SLC9C2: variants seen among roughly 807,000 people sequenced by gnomAD.
SLC9C2 encodes solute carrier family 9 member C2 (putative).
In SLC9C2, 75 loss-of-function variants were observed where a neutral mutation model predicts 140.2. The ratio of observed to expected loss-of-function variants is 0.53; its 90% CI spans 0.44 to 0.65. SLC9C2 has a LOEUF of 0.65. Ranked by LOEUF, SLC9C2 falls within the 30% of genes least tolerant of loss-of-function variation. The pLI is 0.00. For missense variants in SLC9C2, 1,074 were observed against 1,331.8 expected (o/e 0.81, Z 3.01); for synonymous variants, 375 against 420.9 (o/e 0.89, Z 1.34).
intron 9 of SLC9C2, among the ~76,000 whole-genome samples, chr1:173,569,705 T>C (rs1664720492): frequency 1.3e-5 from 2 of 152,116 alleles, no homozygotes; most frequent in African/African-American, 2.4e-5. Flanking sequence ...ACTAATTCTT[T>C]CTTCTCAAGC....
intron 3 of SLC9C2, among the ~76,000 whole-genome samples, chr1:173,599,361 G>GTTTTT (rs1558103752): frequency 7.9e-5 from 4 of 50,380 alleles, no homozygotes; most frequent in Non-Finnish European, 1.1e-4. Context: ...CATTTTCCTT[G>GTTTTT]ATTTTTTTTT....
At chr1:173,561,740 T>C (rs1271613194) in intron 9 of SLC9C2, among the ~76,000 whole-genome samples, 6 of 152,062 alleles carry the variant, frequency 3.9e-5, no homozygotes, top group African/African-American at 1.4e-4. Context: ...GATAAATTGA[T>C]GATCACTGGT....
At chr1:173,578,497 T>A (rs1195507948) in intron 7 of SLC9C2, among the ~76,000 whole-genome samples, 1 of 152,182 alleles carries the variant, frequency 6.6e-6, no homozygotes, top group East Asian at 1.9e-4. Context: ...CTGCCTGAGG[T>A]TGTTTTTTAA....
At chr1:173,557,652 A>G in intron 9 of SLC9C2, 144 bp from the exon 10 acceptor site, 1 of 708,676 alleles carries the variant, frequency 1.4e-6, no homozygotes, top group South Asian at 2.0e-5. Context: ...AGTCCTTCCA[A>G]TTTTCTGAGA....
In SLC9C2 at chr1:173,524,085, T is replaced by C. The variant is rs763244221; in HGVS notation, c.2524A>G (p.Lys842Glu). ...EVIEINKVLL[K>E]KLKALNNFPK... ...AAGTTATTTAGTGCTTTTAATTTTT[T>C]AAGAAGTACCTAAAAACAAATAATC... The change falls in exon 21 of 28, where the codon AAA becomes GAA. Residue 842 changes from lysine to glutamate, a missense_variant. Physicochemically the swap from Lys to Glu is moderately conservative, Grantham distance 56. Coordinates refer to ENST00000367714, the MANE Select transcript of SLC9C2 (RefSeq NM_178527.4). 1.2e-6 allele frequency: 2 copies of C among 1,609,766 alleles called. No homozygotes were observed. Among genetic ancestry groups the C allele is most frequent in the Admixed American group, 3.4e-5 (2 of 59,098 alleles).
intron 8 of SLC9C2, 96 bp from the exon 9 acceptor site, chr1:173,573,421 T>A: frequency 1.1e-6 from 1 of 950,914 alleles, no homozygotes. Flanking sequence ...TCTACCATGC[T>A]GTCTTAGCAG....
intron 22 of SLC9C2, among the ~76,000 whole-genome samples, chr1:173,520,651 G>A (rs1660740951): frequency 1.3e-5 from 2 of 152,162 alleles, no homozygotes; most frequent in South Asian, 4.1e-4. Context: ...TAGTAAATAA[G>A]TGTTATATTG....
intron 17 of SLC9C2, among the ~76,000 whole-genome samples, chr1:173,533,019 G>C (rs1661696305): frequency 6.6e-6 from 1 of 152,106 alleles, no homozygotes; most frequent in South Asian, 2.1e-4. Flanking sequence ...AGGAGGATGA[G>C]GTAGAAATTG....
intron 25 of SLC9C2, among the ~76,000 whole-genome samples, chr1:173,505,615 A>C (rs12026677): frequency 0.2 from 29,811 of 152,038 alleles, 4,188 homozygotes; most frequent in East Asian, 0.64. Context: ...GCATCCAGTA[A>C]GCTACTTTTA....
chr1:173,582,096 T>C (rs1270496658), intron 6 of SLC9C2, 88 bp from the exon 7 acceptor site: 1 of 1,076,532 alleles, frequency 9.3e-7, no homozygotes, highest in East Asian at 2.8e-5. Flanking sequence ...CTTTGCACTT[T>C]GGTTTGCTTG....
At chr1:173,565,504 A>G (rs962020465) in intron 9 of SLC9C2, among the ~76,000 whole-genome samples, 1 of 152,192 alleles carries the variant, frequency 6.6e-6, no homozygotes, top group Admixed American at 6.5e-5. Flanking sequence ...CTTTGTCAAA[A>G]AAGAGTTCAC....
intron 15 of SLC9C2, among the ~76,000 whole-genome samples, chr1:173,535,388 T>C (rs959441822): frequency 6.6e-6 from 1 of 152,222 alleles, no homozygotes. Context: ...TTTTGTGATA[T>C]TTTGGAAAAT....
intron 9 of SLC9C2, among the ~76,000 whole-genome samples, chr1:173,570,473 A>C (rs1248265006): frequency 6.6e-6 from 1 of 152,072 alleles, no homozygotes; most frequent in Non-Finnish European, 1.5e-5. Context: ...AGAAGGAAGA[A>C]GTCACTTTCA....
At chr1:173,601,026 A>G (rs1025732017) in intron 2 of SLC9C2, among the ~76,000 whole-genome samples, 2 of 152,192 alleles carry the variant, frequency 1.3e-5, no homozygotes, top group East Asian at 3.8e-4. Flanking sequence ...CATGAATATC[A>G]TTCTCTATAC....
Position 173,515,435 on chromosome 1 carries a change from T to G in SLC9C2, c.2907+2102A>C, listed in dbSNP as rs183677931. 4.0e-3 allele frequency among the ~76,000 whole-genome samples: 609 copies of G among 152,366 alleles called. 2 individuals are homozygous for G. The highest frequency in any genetic ancestry group is 7.3e-3 in the Admixed American group (111 of 15,302). ...GTCTTCAGACTCTGATATCCTTTCT[T>G]CCACTTGATAGATTCAGCTATTGAT... On this transcript the variant is annotated intron_variant, in intron 23 of 27. Coordinates refer to ENST00000367714, the MANE Select transcript of SLC9C2 (RefSeq NM_178527.4).
chr1:173,585,997 C>T (rs1446764570), intron 5 of SLC9C2, among the ~76,000 whole-genome samples: 1 of 151,842 alleles, frequency 6.6e-6, no homozygotes, highest in African/African-American at 2.4e-5. Flanking sequence ...AAAAAGAAGA[C>T]TTTCTACTGT....
intron 16 of SLC9C2, 145 bp from the exon 17 acceptor site, chr1:173,533,942 C>CA: frequency 1.1e-6 from 1 of 911,644 alleles, no homozygotes; most frequent in Non-Finnish European, 1.5e-6. Flanking sequence ...GGAATCCCCC[C>CA]AAAAATTCTT....
chr1:173,509,453 A>C, intron 24 of SLC9C2, 115 bp downstream of exon 24: 1 of 1,075,198 alleles, frequency 9.3e-7, no homozygotes, highest in Non-Finnish European at 1.3e-6. Context: ...TCAAAAAAAA[A>C]AAAAATCAAA....
At chr1:173,593,714 AG>A (rs2102260294) in intron 4 of SLC9C2, among the ~76,000 whole-genome samples, 1 of 152,312 alleles carries the variant, frequency 6.6e-6, no homozygotes, top group South Asian at 2.1e-4. Context: ...AGAAAAATGC[AG>A]GGGCTGTTAC....
Sources: gnomAD v4.1 joint callset for allele counts (sites outside exome capture counted in the v4.1 genomes callset) on GRCh38, gnomAD v4.1.1 for gene constraint, MANE v1.5 for transcripts, NCBI Gene and HGNC (gene_info 2026-07-23, HGNC 2026-07-21) for gene names.